Variants in PLAGL1 observed in about 807,000 individuals in gnomAD.
PLAGL1 encodes the protein zinc finger protein PLAGL1.
Under a neutral mutation model 4.6 loss-of-function variants are expected in PLAGL1, and 1 was observed. That is an observed-to-expected ratio of 0.22 (90% CI 0.08 to 1.03). The LOEUF (loss-of-function observed/expected upper bound fraction) is 1.03. Among genes scored for constraint, PLAGL1 ranks in the 50% least tolerant of loss-of-function variants. The pLI, the probability that PLAGL1 is intolerant of heterozygous loss-of-function variation, is 0.58. For missense variants in PLAGL1, 464 were observed against 570.4 expected, an observed-to-expected ratio of 0.81 and a Z score of 1.90; for synonymous variants, 240 against 237.8, an observed-to-expected ratio of 1.01 and a Z score of -0.08.
At chr6:144,007,775 T>C (rs1794583506) in intron 1 of PLAGL1, 1 of 152,254 alleles carries the variant, frequency 6.6e-6, no homozygotes, top group South Asian at 2.1e-4. Context: ...GTTTTTTTCC[T>C]GGCCCGTTGG....
rs1436323835 is a variant in PLAGL1 at position 143,983,456 on chromosome 6, G to A, written c.-544+1679C>T. ...GGAGAGAGAAGGGACAACTACTGTA[G>A]CTATATCCTTGAGCAGGTGAGAGGA... On this transcript the variant is annotated intron_variant, in intron 2 of 7. Transcript: ENST00000674357. The surrounding 1 kb of genome is among the most constrained non-coding windows in gnomAD (Gnocchi z 6.6). Among the ~76,000 whole-genome samples the A allele has an allele frequency of 6.6e-6, 1 of 152,170 alleles. No individual in the cohort carries two copies. Among genetic ancestry groups the A allele is most frequent in the African/African-American group, 2.4e-5 (1 of 41,454 alleles).
rs1785571440 is a variant in PLAGL1, at chr6:143,972,340, C to T, written c.-543-3362G>A. ...CCATAATAGAGGTGTACACAAAGGG[C>T]TGGGGGCCAAAGGAAGAAGCCATAA... On this transcript the variant is annotated intron_variant, in intron 2 of 7. Transcript: ENST00000674357. The surrounding 1 kb of genome is among the most constrained non-coding windows in gnomAD (Gnocchi z 6.8). Among the ~76,000 whole-genome samples the T allele has an allele frequency of 6.6e-6, 1 of 152,164 alleles. No homozygotes were observed. Among genetic ancestry groups the T allele is most frequent in the Admixed American group, 6.5e-5 (1 of 15,276 alleles).
At position 144,004,834 on chromosome 6, in the gene PLAGL1, T is replaced by C. The variant is rs1258058514; in HGVS notation, c.-584+3256A>G. 1 of 151,944 alleles carries C rather than the reference T, an allele frequency of 6.6e-6. No homozygotes were observed. The allele number at this position is 151,944 out of a possible 1,614,324, so 9.4% of individuals were successfully genotyped here. A position where few individuals can be genotyped will look rare whatever the true frequency, so the allele number is the denominator to read the frequency against. ...AGGAAGTCTAACAGAAGTCTAATCATAGCTCCTAAAGAATAGGACAAAAAT... is the reference window on the plus strand; with the variant it reads ...AGGAAGTCTAACAGAAGTCTAATCACAGCTCCTAAAGAATAGGACAAAAAT... On this transcript the variant is annotated intron_variant, in intron 1 of 7. Coordinates refer to ENST00000674357, the MANE Select transcript of PLAGL1 (RefSeq NM_001317162.2). The surrounding 1 kb of genome is among the most constrained non-coding windows in gnomAD (Gnocchi z 4.2).
At chr6:144,038,353 T>C (rs1463785547) in intron 1 of PLAGL1, among the ~76,000 whole-genome samples, 1 of 152,172 alleles carries the variant, frequency 6.6e-6, no homozygotes, top group Non-Finnish European at 1.5e-5. Flanking sequence ...ATATGAAAAT[T>C]CAAGGGAACC....
Position 143,963,360 on chromosome 6 carries a change from T to C in PLAGL1, c.-399+1427A>G, listed in dbSNP as rs1783772109. ...CTTGCAGTGCCCCTTCAAGGTCACA[T>C]GGTGGGGCTTCAAACGTTAACCCAC... On this transcript the variant is annotated intron_variant, in intron 5 of 7. Coordinates refer to ENST00000674357, the MANE Select transcript of PLAGL1 (RefSeq NM_001317162.2). This position sits in a 1 kb window ranked among gnomAD's most constrained non-coding sequence, Gnocchi z 6.1. Among the ~76,000 whole-genome samples, 1 of 152,182 alleles carries C rather than the reference T, an allele frequency of 6.6e-6. No individual in the cohort carries two copies. Among genetic ancestry groups the C allele is most frequent in the African/African-American group, 2.4e-5 (1 of 41,450 alleles).
Position 143,950,419 on chromosome 6 carries a change from C to G in PLAGL1, c.-324-1959G>C, listed in dbSNP as rs867366818. ...ATAACTCCTTCTAGGAATTCTATTC[C>G]GCCTGCCGAGTTTGCTCTGCTAGGT... On this transcript the variant is annotated intron_variant, in intron 6 of 7. Coordinates refer to ENST00000674357, the MANE Select transcript of PLAGL1 (RefSeq NM_001317162.2). The surrounding 1 kb of genome is among the most constrained non-coding windows in gnomAD (Gnocchi z 6.3). Among the ~76,000 whole-genome samples, 1 of 152,138 alleles carries G rather than the reference C, an allele frequency of 6.6e-6. No homozygotes were observed. Among genetic ancestry groups the G allele is most frequent in the African/African-American group, 2.4e-5 (1 of 41,426 alleles).
rs1247372616 is a variant in PLAGL1, at chr6:143,990,370, T to G, written c.-583-5196A>C. On this transcript the variant is annotated intron_variant, in intron 1 of 7. Coordinates refer to ENST00000674357, the MANE Select transcript of PLAGL1 (RefSeq NM_001317162.2). This position sits in a 1 kb window ranked among gnomAD's most constrained non-coding sequence, Gnocchi z 5.4. Reference sequence around the variant, plus strand: ...CCCTGACCTCGGGATCCGCCCGCCTTGGCCTCCCAAAGTGCAGGGATTACA... The same window carrying G: ...CCCTGACCTCGGGATCCGCCCGCCTGGGCCTCCCAAAGTGCAGGGATTACA... Among the ~76,000 whole-genome samples, 1 of 152,186 alleles carries G rather than the reference T, an allele frequency of 6.6e-6. No individual in the cohort carries two copies. The highest frequency in any genetic ancestry group is 6.5e-5 in the Admixed American group (1 of 15,280).
rs147047008 is a variant in PLAGL1 at position 144,044,461 on chromosome 6, G to A, written c.-151+20007C>T. 5.3e-3 allele frequency among the ~76,000 whole-genome samples: 800 copies of A among 152,292 alleles called. 8 individuals are homozygous for A. The highest frequency in any genetic ancestry group is 0.018 in the African/African-American group (767 of 41,554). ...CCCAGTAGTCATTCAGGAGCAGGTT[G>A]TTCAGTTTCCATGTAGTGGTGTGGT... On this transcript the variant is annotated intron_variant, in intron 1 of 3. Transcript: ENST00000437412.
chr6:143,941,118 T>A lies in PLAGL1; in HGVS notation c.*306A>T, dbSNP rs1050127598. 4.6e-6 allele frequency: 1 copy of A among 217,646 alleles called. No individual in the cohort carries two copies. The highest frequency in any genetic ancestry group is 9.0e-6 in the Non-Finnish European group (1 of 111,244). 13.5% of individuals were successfully genotyped at this position (217,646 alleles called of 1,614,324 possible). A position where few individuals can be genotyped will look rare whatever the true frequency, so the allele number is the denominator to read the frequency against. ...ATTTAGTTAACATTATGATCATGGC[T>A]TACGATTAAATTCCATATGACAAAC... On this transcript the variant is annotated 3_prime_UTR_variant, in exon 8 of 8. Transcript: ENST00000674357. This position sits in a 1 kb window ranked among gnomAD's most constrained non-coding sequence, Gnocchi z 6.0.
At position 144,016,358 on chromosome 6, in the gene PLAGL1, A is replaced by G. The variant is rs113983028; in HGVS notation, c.-150-47380T>C. On this transcript the variant is annotated intron_variant, in intron 1 of 3. Transcript: ENST00000437412. This position sits in a 1 kb window ranked among gnomAD's most constrained non-coding sequence, Gnocchi z 4.2. ...TTCTGCCTGCCTTACATTCGCTGGC[A>G]CCTGACTAGATTATGCCCACCAGAT... 2.0e-5 allele frequency among the ~76,000 whole-genome samples: 3 copies of G among 152,200 alleles called. No homozygotes were observed. The highest frequency in any genetic ancestry group is 2.0e-4 in the Admixed American group (3 of 15,280).
At position 143,971,468 on chromosome 6, in the gene PLAGL1, A is replaced by G. The variant is rs1489395959; in HGVS notation, c.-543-2490T>C. Among the ~76,000 whole-genome samples the G allele has an allele frequency of 6.6e-6, 1 of 152,230 alleles. No individual in the cohort carries two copies. Among genetic ancestry groups the G allele is most frequent in the African/African-American group, 2.4e-5 (1 of 41,466 alleles). ...ACAACACTTTCTAAAAATTTCCATT[A>G]TGATTTTAAGATGTTATTTTCCCAA... is the stretch of plus-strand genomic sequence containing the variant. On this transcript the variant is annotated intron_variant, in intron 2 of 7. Coordinates refer to ENST00000674357, the MANE Select transcript of PLAGL1 (RefSeq NM_001317162.2). The surrounding 1 kb of genome is among the most constrained non-coding windows in gnomAD (Gnocchi z 4.7).
At position 144,061,658 on chromosome 6, in the gene PLAGL1, A is replaced by G. The variant is rs1480257146; in HGVS notation, c.-151+2810T>C. 6.6e-6 allele frequency among the ~76,000 whole-genome samples: 1 copy of G among 152,168 alleles called. No homozygotes were observed. Among genetic ancestry groups the G allele is most frequent in the Admixed American group, 6.5e-5 (1 of 15,280 alleles). ...TAACTTTAAAACTACAAATCTATAC[A>G]GTTTTATTAAAATGTATATGAAAAA... On this transcript the variant is annotated intron_variant, in intron 1 of 3. Coordinates refer to the PLAGL1 transcript ENST00000437412. This position sits in a 1 kb window ranked among gnomAD's most constrained non-coding sequence, Gnocchi z 4.4.
rs554598719 is a variant in PLAGL1 at position 144,059,413 on chromosome 6, T to C, written c.-151+5055A>G. ...GTCTTGCTAAGGTTCCTCCACCAAC[T>C]GGGCAGGATTCAGGGGCCTTTGTGT... On this transcript the variant is annotated intron_variant, in intron 1 of 3. Coordinates refer to the PLAGL1 transcript ENST00000437412. The surrounding 1 kb of genome is among the most constrained non-coding windows in gnomAD (Gnocchi z 4.9). Among the ~76,000 whole-genome samples the C allele has an allele frequency of 9.2e-5, 14 of 152,332 alleles. No homozygotes were observed. The highest frequency in any genetic ancestry group is 3.4e-4 in the African/African-American group (14 of 41,580).
Position 144,027,993 on chromosome 6 carries a change from C to T in PLAGL1, c.-151+36475G>A, listed in dbSNP as rs934549793. On this transcript the variant is annotated intron_variant, in intron 1 of 3. Coordinates refer to the PLAGL1 transcript ENST00000437412. This position sits in a 1 kb window ranked among gnomAD's most constrained non-coding sequence, Gnocchi z 5.8. ...AGGAAATATAAAGAATTCAAAACTC[C>T]AAAAATGCACAGGATTGTCCCTTTG... 6.6e-6 allele frequency among the ~76,000 whole-genome samples: 1 copy of T among 152,100 alleles called. No homozygotes were observed. Among genetic ancestry groups the T allele is most frequent in the African/African-American group, 2.4e-5 (1 of 41,420 alleles).
intron 1 of PLAGL1, among the ~76,000 whole-genome samples, chr6:144,062,008 C>T (rs1192043405): frequency 6.6e-6 from 1 of 152,130 alleles, no homozygotes; most frequent in East Asian, 1.9e-4. Flanking sequence ...TTAACCACCC[C>T]TTTATTAGGT....
At chr6:144,040,796 C>A (rs570001537) in intron 1 of PLAGL1, among the ~76,000 whole-genome samples, 11 of 152,274 alleles carry the variant, frequency 7.2e-5, no homozygotes, top group African/African-American at 2.6e-4. Flanking sequence ...TTGCTTGAAC[C>A]TGGGAGGTGG....
chr6:144,061,685 T>C lies in PLAGL1; in HGVS notation c.-151+2783A>G, dbSNP rs1462845273. On this transcript the variant is annotated intron_variant, in intron 1 of 3. Transcript: ENST00000437412. The surrounding 1 kb of genome is among the most constrained non-coding windows in gnomAD (Gnocchi z 4.4). ...TTTTATTAAAATGTATATGAAAAAATAAGTCCCTGAGGAAGAAGTTGGCAG... is the reference window on the plus strand; with the variant it reads ...TTTTATTAAAATGTATATGAAAAAACAAGTCCCTGAGGAAGAAGTTGGCAG... Among the ~76,000 whole-genome samples, 1 of 152,164 alleles carries C rather than the reference T, an allele frequency of 6.6e-6. No individual in the cohort carries two copies. Among genetic ancestry groups the C allele is most frequent in the Non-Finnish European group, 1.5e-5 (1 of 68,028 alleles).
At chr6:144,040,345 A>G (rs1264521464) in intron 1 of PLAGL1, among the ~76,000 whole-genome samples, 3 of 151,354 alleles carry the variant, frequency 2.0e-5, no homozygotes, top group African/African-American at 7.3e-5. Flanking sequence ...CCTGGGCAAC[A>G]TAGTGAAATC....
chr6:144,021,260 C>T (rs1292686436), intron 1 of PLAGL1, among the ~76,000 whole-genome samples: 1 of 152,152 alleles, frequency 6.6e-6, no homozygotes, highest in African/African-American at 2.4e-5. Flanking sequence ...TATTTGATAA[C>T]ATTGTAGAGT....
Sources: gnomAD v4.1 joint callset for allele counts (sites outside exome capture counted in the v4.1 genomes callset) on GRCh38, gnomAD v4.1.1 for gene constraint, Gnocchi (gnomAD v3.1) non-coding constraint, MANE v1.5 for transcripts, NCBI Gene and HGNC (gene_info 2026-07-23, HGNC 2026-07-21) for gene names.